CDS1: variants seen among roughly 807,000 people sequenced by gnomAD.
The protein encoded by CDS1 is CDP-diacylglycerol synthase 1.
CDS1 carries 41 observed loss-of-function variants against 62.1 expected under a neutral mutation model. The observed-to-expected ratio is 0.66, with a 90% CI of 0.51 to 0.86. CDS1 has a LOEUF of 0.86. Among genes scored for constraint, CDS1 ranks in the 40% least tolerant of loss-of-function variants. The pLI is 0.00. For missense variants in CDS1, 470 were observed against 550.1 expected (o/e 0.85, Z 1.46); for synonymous variants, 185 against 192.6 (o/e 0.96, Z 0.32).
chr4:84,615,799 T>G (rs1325582097), intron 3 of CDS1, among the ~76,000 whole-genome samples: 2 of 152,218 alleles, frequency 1.3e-5, no homozygotes, highest in African/African-American at 4.8e-5. Flanking sequence ...AACAGAGTCC[T>G]ATGAGTGTAC....
At chr4:84,589,937 C>G (rs546919334) in intron 1 of CDS1, among the ~76,000 whole-genome samples, 1 of 152,098 alleles carries the variant, frequency 6.6e-6, no homozygotes, top group Non-Finnish European at 1.5e-5. Context: ...CAGCCTCCGA[C>G]GTAGCTGGGA....
intron 1 of CDS1, among the ~76,000 whole-genome samples, chr4:84,584,969 G>A (rs1055274674): frequency 1.3e-5 from 2 of 152,140 alleles, no homozygotes; most frequent in Non-Finnish European, 2.9e-5. Context: ...TTTTAGCACT[G>A]GTATAGTTTA....
intron 5 of CDS1, among the ~76,000 whole-genome samples, chr4:84,626,330 C>T (rs535930484): frequency 6.6e-6 from 1 of 152,194 alleles, no homozygotes; most frequent in Non-Finnish European, 1.5e-5. Context: ...TGCATATTCA[C>T]ATGCAGTTGT....
chr4:84,583,189 C>G lies in CDS1; in HGVS notation c.-213C>G. ...GGGACCTCCGCCGGAGCCGCGCTCG[C>G]TGCAGGCGGCCTCGAGCGCTCTCTC... On this transcript the variant is annotated 5_prime_UTR_variant, in exon 1 of 13. Transcript: ENST00000295887. The G allele has an allele frequency of 2.1e-6, 1 of 482,616 alleles. No individual in the cohort carries two copies. Among genetic ancestry groups the G allele is most frequent in the Non-Finnish European group, 3.7e-6 (1 of 273,916 alleles). The allele number at this position is 482,616 out of a possible 1,614,324, so 29.9% of individuals were successfully genotyped here.
rs1196752720 is a variant in CDS1 at position 84,619,491 on chromosome 4, A to G, written c.538A>G (p.Ile180Val). The change falls in exon 5 of 13, where the codon ATT becomes GTT. Residue 180 changes from isoleucine to valine, a missense_variant. By Grantham distance (29) the Ile-to-Val change is conservative. Transcript: ENST00000295887. The stretch of plus-strand genomic sequence containing the variant: ...AAGAGAAGAACAACTTCAGTTCCTC[A>G]TTCGCTACCATAGATTTATATCATT... ...VQREEQLQFL[I>V]RYHRFISFAL... 1 of 1,604,686 alleles carries G rather than the reference A, an allele frequency of 6.2e-7. No individual in the cohort carries two copies. The highest frequency in any genetic ancestry group is 8.5e-7 in the Non-Finnish European group (1 of 1,173,588).
chr4:84,636,175 C>G (rs183669752), intron 8 of CDS1, among the ~76,000 whole-genome samples: 27 of 152,228 alleles, frequency 1.8e-4, no homozygotes, highest in African/African-American at 6.5e-4. Context: ...CTTACCTGTC[C>G]CCTCCTTTAC....
intron 3 of CDS1, among the ~76,000 whole-genome samples, chr4:84,609,821 CA>C (rs974203838): frequency 6.6e-6 from 1 of 151,698 alleles, no homozygotes. Flanking sequence ...TGAGCCTGGG[CA>C]AAAAAACACA....
At chr4:84,630,273 T>C (rs1723980628) in intron 5 of CDS1, among the ~76,000 whole-genome samples, 1 of 152,204 alleles carries the variant, frequency 6.6e-6, no homozygotes, top group Non-Finnish European at 1.5e-5. Context: ...CTCTCTTTCC[T>C]TTCTCTCAAT....
At chr4:84,623,487 T>C (rs1280548081) in intron 5 of CDS1, among the ~76,000 whole-genome samples, 1 of 152,216 alleles carries the variant, frequency 6.6e-6, no homozygotes, top group African/African-American at 2.4e-5. Context: ...CTGTAATTTC[T>C]CAGGCCTACT....
rs746840744 is a variant in CDS1 at position 84,604,239 on chromosome 4, T to G, written c.118-4T>G. ...TGCAAAGTAATTTGTCTTTTTAATTTTAGGAAACAGATATTGATGACAGAT... is the reference window on the plus strand; with the variant it reads ...TGCAAAGTAATTTGTCTTTTTAATTGTAGGAAACAGATATTGATGACAGAT... On this transcript the variant is annotated splice_region_variant and splice_polypyrimidine_tract_variant and intron_variant, in intron 1 of 12. Coordinates refer to ENST00000295887, the MANE Select transcript of CDS1 (RefSeq NM_001263.4). 1 of 1,604,202 alleles carries G rather than the reference T, an allele frequency of 6.2e-7. No homozygotes were observed. Among genetic ancestry groups the G allele is most frequent in the Admixed American group, 1.7e-5 (1 of 57,664 alleles).
At chr4:84,614,268 T>C (rs562646391) in intron 3 of CDS1, among the ~76,000 whole-genome samples, 51 of 152,210 alleles carry the variant, frequency 3.4e-4, no homozygotes, top group African/African-American at 1.1e-3. Context: ...AACCAAACTT[T>C]TAAAAAAAAG....
chr4:84,622,105 T>A (rs1398147191), intron 5 of CDS1, among the ~76,000 whole-genome samples: 8 of 152,220 alleles, frequency 5.3e-5, no homozygotes, highest in Non-Finnish European at 4.4e-5. Context: ...AAAGGTAAGG[T>A]AGATTCTGGA....
intron 3 of CDS1, among the ~76,000 whole-genome samples, chr4:84,612,039 G>A (rs1028210929): frequency 4.0e-5 from 6 of 151,758 alleles, no homozygotes; most frequent in Non-Finnish European, 5.9e-5. Flanking sequence ...GTGGGTGAAG[G>A]GACCTTTGAG....
At chr4:84,585,267 G>A (rs183877603) in intron 1 of CDS1, among the ~76,000 whole-genome samples, 96 of 152,222 alleles carry the variant, frequency 6.3e-4, no homozygotes, top group Middle Eastern at 6.8e-3. Flanking sequence ...TGTCCAGCTG[G>A]ATTTTGTTTT....
At chr4:84,587,745 G>C (rs1007587853) in intron 1 of CDS1, among the ~76,000 whole-genome samples, 1 of 152,186 alleles carries the variant, frequency 6.6e-6, no homozygotes, top group African/African-American at 2.4e-5. Flanking sequence ...AACGTGTGGG[G>C]TGGGAGGAGG....
At chr4:84,589,010 C>G (rs936694331) in intron 1 of CDS1, among the ~76,000 whole-genome samples, 1 of 152,164 alleles carries the variant, frequency 6.6e-6, no homozygotes, top group African/African-American at 2.4e-5. Flanking sequence ...TTGGGAATGA[C>G]CATGGGCAGC....
chr4:84,608,453 C>CGTGA (rs1723203889), intron 2 of CDS1, among the ~76,000 whole-genome samples: 1 of 152,074 alleles, frequency 6.6e-6, no homozygotes, highest in Admixed American at 6.5e-5. Flanking sequence ...AGATTACAGG[C>CGTGA]GTGAGCCACC....
chr4:84,593,865 A>G (rs1405300775), intron 1 of CDS1, among the ~76,000 whole-genome samples: 1 of 152,226 alleles, frequency 6.6e-6, no homozygotes, highest in East Asian at 1.9e-4. Context: ...AAGAATTTAG[A>G]TTAAAATAAA....
At position 84,619,364 on chromosome 4, in the gene CDS1, A is replaced by G. The variant is rs185110704; in HGVS notation, c.441-30A>G. On this transcript the variant is annotated intron_variant, in intron 4 of 12. Coordinates refer to ENST00000295887, the MANE Select transcript of CDS1 (RefSeq NM_001263.4). ...TTTGAGGGGAAGGAAAGCTTCAAATATAGAAAAGCTAATTGTTTTTAAATT... is the reference window on the plus strand; with the variant it reads ...TTTGAGGGGAAGGAAAGCTTCAAATGTAGAAAAGCTAATTGTTTTTAAATT... The G allele has an allele frequency of 6.7e-5, 86 of 1,276,524 alleles. No homozygotes were observed. In the African/African-American group the frequency reaches 1.2e-3, roughly 18 times the overall value. 79.1% of individuals were successfully genotyped at this position (1,276,524 alleles called of 1,614,324 possible).
Sources: gnomAD v4.1 joint callset for allele counts (sites outside exome capture counted in the v4.1 genomes callset) on GRCh38, gnomAD v4.1.1 for gene constraint, MANE v1.5 for transcripts, NCBI Gene and HGNC (gene_info 2026-07-23, HGNC 2026-07-21) for gene names.